The following RBFOX1 variants were observed in gnomAD, a reference collection of about 807,000 sequenced individuals.
RBFOX1 encodes RNA binding fox-1 homolog 1.
In RBFOX1, 8 loss-of-function variants were observed where a neutral mutation model predicts 57.7. That is an observed-to-expected ratio of 0.14 (90% confidence interval 0.08 to 0.25). The LOEUF (loss-of-function observed/expected upper bound fraction) is 0.25. Ranked by LOEUF, RBFOX1 falls within the 10% of genes least tolerant of loss-of-function variation. The pLI is 1.00. For missense variants in RBFOX1, 611 were observed against 548.5 expected (o/e 1.11, Z -1.14); for synonymous variants, 326 against 222.4 (o/e 1.47, Z -4.15).
chr16:7,428,082 A>G (rs1391591511), intron 4 of RBFOX1, among the ~76,000 whole-genome samples: 1 of 152,140 alleles, frequency 6.6e-6, no homozygotes, highest in East Asian at 1.9e-4. Flanking sequence ...TGCCTCCTCC[A>G]GGAGGCCCCA....
intron 3 of RBFOX1, among the ~76,000 whole-genome samples, chr16:5,847,578 A>G (rs2056789986): frequency 6.6e-6 from 1 of 152,152 alleles, no homozygotes; most frequent in African/African-American, 2.4e-5. Context: ...TTAGAACTGG[A>G]GAGCAACATG....
At position 6,517,853 on chromosome 16, in the gene RBFOX1, T is replaced by C. The variant is rs547250391; in HGVS notation, c.-63-136750T>C. ...ATTCTTAAAAGTACATAACCAGAGA[T>C]TGTATGAGAAATAAATGTCTTATAA... On this transcript the variant is annotated intron_variant, in intron 2 of 15. Coordinates refer to ENST00000550418, the MANE Select transcript of RBFOX1 (RefSeq NM_018723.4). Among the ~76,000 whole-genome samples the C allele has an allele frequency of 4.6e-5, 7 of 152,302 alleles. No homozygotes were observed. The South Asian group carries it at 1.0e-3, about 23-fold the overall frequency.
At chr16:6,204,425 C>T (rs2097239605) in intron 1 of RBFOX1, among the ~76,000 whole-genome samples, 2 of 151,988 alleles carry the variant, frequency 1.3e-5, no homozygotes, top group South Asian at 2.1e-4. Flanking sequence ...CTAGAAGGGC[C>T]TAGAAGCTTC....
At chr16:6,670,940 C>T (rs994551635) in intron 3 of RBFOX1, among the ~76,000 whole-genome samples, 1 of 152,110 alleles carries the variant, frequency 6.6e-6, no homozygotes, top group African/African-American at 2.4e-5. Context: ...GCGGAGCTTG[C>T]AGCGAGCCGA....
chr16:6,771,688 A>G (rs1305960655), intron 3 of RBFOX1, among the ~76,000 whole-genome samples: 1 of 152,230 alleles, frequency 6.6e-6, no homozygotes, highest in Admixed American at 6.5e-5. Flanking sequence ...TGTCATAATT[A>G]GTGGAGCAAG....
intron 4 of RBFOX1, among the ~76,000 whole-genome samples, chr16:7,495,580 G>A (rs1468821824): frequency 6.6e-6 from 1 of 152,162 alleles, no homozygotes; most frequent in African/African-American, 2.4e-5. Flanking sequence ...ATGATTATAA[G>A]CATTTTTTCG....
At chr16:6,091,120 A>C (rs2096166171) in intron 1 of RBFOX1, among the ~76,000 whole-genome samples, 1 of 152,126 alleles carries the variant, frequency 6.6e-6, no homozygotes, top group Non-Finnish European at 1.5e-5. Context: ...AACTATTGTC[A>C]CCTTACTGTG....
chr16:6,152,153 T>C (rs994192588), intron 1 of RBFOX1, among the ~76,000 whole-genome samples: 1 of 152,216 alleles, frequency 6.6e-6, no homozygotes, highest in Admixed American at 6.5e-5. Flanking sequence ...AAATCCTGTG[T>C]CATATTAAAA....
chr16:6,046,557 C>A (rs890717824), intron 1 of RBFOX1, among the ~76,000 whole-genome samples: 1 of 152,088 alleles, frequency 6.6e-6, no homozygotes, highest in African/African-American at 2.4e-5. Flanking sequence ...TCATATTAAA[C>A]ATTACCGTAT....
chr16:7,284,966 C>G (rs889898323), intron 4 of RBFOX1, among the ~76,000 whole-genome samples: 6 of 152,126 alleles, frequency 3.9e-5, no homozygotes, highest in African/African-American at 1.4e-4. Flanking sequence ...CCACCTTTCT[C>G]CTCGCCAACG....
At chr16:7,387,647 G>A (rs1038936791) in intron 4 of RBFOX1, among the ~76,000 whole-genome samples, 1 of 152,140 alleles carries the variant, frequency 6.6e-6, no homozygotes, top group Non-Finnish European at 1.5e-5. Flanking sequence ...TTGGAAGAAA[G>A]GTGAAACTGG....
At chr16:7,011,249 C>T (rs2093640249) in intron 3 of RBFOX1, among the ~76,000 whole-genome samples, 1 of 152,094 alleles carries the variant, frequency 6.6e-6, no homozygotes, top group Non-Finnish European at 1.5e-5. Context: ...GCTTTTGCAA[C>T]ATTAACTTAT....
At chr16:6,155,716 C>T (rs548707322) in intron 1 of RBFOX1, among the ~76,000 whole-genome samples, 5 of 152,294 alleles carry the variant, frequency 3.3e-5, no homozygotes, top group African/African-American at 9.6e-5. Flanking sequence ...AAGTAGTCCC[C>T]GTGGAGCCTG....
At chr16:5,955,203 A>AC (rs138268888) in intron 4 of RBFOX1, among the ~76,000 whole-genome samples, 54,609 of 121,790 alleles carry the variant, frequency 0.45, 14,660 homozygotes, top group African/African-American at 0.64. Flanking sequence ...AATTGCTTGA[A>AC]CCAGGAAGCT....
chr16:7,232,667 C>A (rs1266469798), intron 4 of RBFOX1, among the ~76,000 whole-genome samples: 1 of 151,928 alleles, frequency 6.6e-6, no homozygotes, highest in Admixed American at 6.6e-5. Flanking sequence ...CATGGAGAAA[C>A]CCTGTCTCTA....
At chr16:6,396,328 A>G (rs1463018773) in intron 2 of RBFOX1, among the ~76,000 whole-genome samples, 1 of 152,168 alleles carries the variant, frequency 6.6e-6, no homozygotes, top group Non-Finnish European at 1.5e-5. Flanking sequence ...ACACCAATCC[A>G]TGTGGTGCAA....
chr16:6,850,467 T>C (rs1223651776), intron 3 of RBFOX1, among the ~76,000 whole-genome samples: 1 of 152,002 alleles, frequency 6.6e-6, no homozygotes, highest in Non-Finnish European at 1.5e-5. Flanking sequence ...GTTGAGAGCT[T>C]ATCAGGAGAC....
At chr16:5,325,829 G>A (rs2064555117) in intron 1 of RBFOX1, among the ~76,000 whole-genome samples, 1 of 152,166 alleles carries the variant, frequency 6.6e-6, no homozygotes, top group Admixed American at 6.5e-5. Context: ...TTCACCCTCT[G>A]AGGGATATTT....
intron 3 of RBFOX1, among the ~76,000 whole-genome samples, chr16:6,817,291 C>G (rs1041712894): frequency 6.6e-6 from 1 of 152,134 alleles, no homozygotes; most frequent in Non-Finnish European, 1.5e-5. Flanking sequence ...GTCATAGCTT[C>G]AAACACATTT....
Sources: allele counts gnomAD v4.1 joint callset (sites outside exome capture counted in the v4.1 genomes callset), GRCh38; gene constraint gnomAD v4.1.1; transcripts MANE v1.5; gene names NCBI Gene and HGNC (gene_info 2026-07-23, HGNC 2026-07-21).